CMTM4: variants seen among roughly 807,000 people sequenced by gnomAD.
CMTM4 encodes the protein CKLF like MARVEL transmembrane domain containing 4, also known as CKLF-like MARVEL transmembrane domain-containing protein 4.
CMTM4 carries 8 observed loss-of-function variants against 19.0 expected under a neutral mutation model. The observed-to-expected ratio is 0.42, with a 90% CI of 0.25 to 0.76. The LOEUF (loss-of-function observed/expected upper bound fraction) is 0.76, where lower values mean the gene tolerates loss of function less well. Among genes scored for constraint, CMTM4 ranks in the 30% least tolerant of loss-of-function variants. The pLI, the probability that CMTM4 is intolerant of heterozygous loss-of-function variation, is 0.27. For missense variants in CMTM4, 228 were observed against 290.2 expected, an observed-to-expected ratio of 0.79 and a Z score of 1.56; for synonymous variants, 106 against 121.1, an observed-to-expected ratio of 0.88 and a Z score of 0.82.
At chr16:66,599,792 AT>A in the CMTM4 span, among the ~76,000 whole-genome samples, 4 of 152,182 alleles carry the variant, frequency 2.6e-5, no homozygotes, top group African/African-American at 9.6e-5. Flanking sequence ...TCTTTTACAG[AT>A]TTTTTTAAGA....
At position 66,696,593 on chromosome 16, in the gene CMTM4, GGCCGCCGCATCGCCGCCGCCGCC is replaced by G. The variant is rs2017242460; in HGVS notation, c.-91_-69del. On this transcript the variant is annotated 5_prime_UTR_variant, in exon 1 of 4. An upstream start codon of the reference 5' UTR is lost. Transcript: ENST00000394106. The surrounding 1 kb of genome is among the most constrained non-coding windows in gnomAD (Gnocchi z 4.3). ...CGCCAGGAGCGGGCGGACTCAGCGG[GGCCGCCGCATCGCCGCCGCCGCC>G]GCCGCCGCCGCCGCCCGACTGACTG... 6.0e-6 allele frequency: 6 copies of G among 996,046 alleles called. No individual in the cohort carries two copies. Among genetic ancestry groups the G allele is most frequent in the South Asian group, 4.6e-5 (1 of 21,606 alleles). The allele number at this position is 996,046 out of a possible 1,614,324, so 61.7% of individuals were successfully genotyped here. A position where few individuals can be genotyped will look rare whatever the true frequency, so the allele number is the denominator to read the frequency against.
At chr16:66,641,056 T>G (rs1399498558) in intron 1 of CMTM4, among the ~76,000 whole-genome samples, 9 of 152,196 alleles carry the variant, frequency 5.9e-5, no homozygotes, top group Non-Finnish European at 1.2e-4. Context: ...TCTTGTTTGT[T>G]TGCTTTTTTA....
rs1195286117 is a variant in CMTM4, at chr16:66,616,730, A to T, written c.*5328T>A. 1 of 152,358 alleles carries T rather than the reference A, an allele frequency of 6.6e-6. No homozygotes were observed. Among genetic ancestry groups the T allele is most frequent in the African/African-American group, 2.4e-5 (1 of 41,446 alleles). The allele number at this position is 152,358 out of a possible 1,614,324, so 9.4% of individuals were successfully genotyped here. ...CAAAGCAGGGCCTGTGGGGGGAAGC[A>T]GCGTGAGTCAGGCCTCACCCTGGTG... is the stretch of plus-strand genomic sequence containing the variant. On this transcript the variant is annotated 3_prime_UTR_variant, in exon 4 of 4. Transcript: ENST00000394106.
At chr16:66,663,403 G>C (rs1216223637) in intron 1 of CMTM4, among the ~76,000 whole-genome samples, 1 of 151,250 alleles carries the variant, frequency 6.6e-6, no homozygotes, top group East Asian at 1.9e-4. Flanking sequence ...CTAATCAGGA[G>C]GCTGAAGCGG....
In CMTM4 at chr16:66,619,480, C is replaced by T; in HGVS notation, c.*2578G>A. On this transcript the variant is annotated 3_prime_UTR_variant, in exon 4 of 4. Coordinates refer to ENST00000394106, the MANE Select transcript of CMTM4 (RefSeq NM_181521.3). Reference sequence around the variant, plus strand: ...CGCTCAGCCTTCAAATGCCCCAAACCAAACTGATATTGGTCCCTATTGAAA... The same window carrying T: ...CGCTCAGCCTTCAAATGCCCCAAACTAAACTGATATTGGTCCCTATTGAAA... The T allele has an allele frequency of 6.1e-6, 6 of 985,438 alleles. No homozygotes were observed. The highest frequency in any genetic ancestry group is 7.2e-6 in the Non-Finnish European group (6 of 829,930). 61.0% of individuals were successfully genotyped at this position (985,438 alleles called of 1,614,324 possible).
chr16:66,652,404 T>G (rs549944112), intron 1 of CMTM4, among the ~76,000 whole-genome samples: 1 of 152,166 alleles, frequency 6.6e-6, no homozygotes, highest in Admixed American at 6.5e-5. Context: ...GAAAGCTTGG[T>G]TGGGTCTGGG....
intron 1 of CMTM4, among the ~76,000 whole-genome samples, chr16:66,672,203 G>C (rs2016719769): frequency 6.6e-6 from 1 of 151,788 alleles, no homozygotes; most frequent in African/African-American, 2.4e-5. Context: ...CTTGAGACCA[G>C]CCTGGCCAAC....
At chr16:66,679,649 C>A (rs1225332015) in intron 1 of CMTM4, among the ~76,000 whole-genome samples, 1 of 151,802 alleles carries the variant, frequency 6.6e-6, no homozygotes, top group Admixed American at 6.6e-5. Context: ...CATGGTGAAA[C>A]CCTGTCTCTA....
chr16:66,650,025 G>A (rs541422505), intron 1 of CMTM4, among the ~76,000 whole-genome samples: 2 of 152,208 alleles, frequency 1.3e-5, no homozygotes, highest in South Asian at 4.1e-4. Flanking sequence ...TCGGTGCCCA[G>A]GGAGGTATCG....
rs571243976 is a variant in CMTM4 at position 66,689,437 on chromosome 16, G to A, written c.186+6903C>T. On this transcript the variant is annotated intron_variant, in intron 1 of 3. Transcript: ENST00000394106. The stretch of plus-strand genomic sequence containing the variant: ...GGGTTTTGTTTTGTTTTTGAGAAAC[G>A]GTCTCACTCTGTTGCCCAGGCTGGA... 7.2e-5 allele frequency among the ~76,000 whole-genome samples: 11 copies of A among 152,026 alleles called. No individual in the cohort carries two copies. The East Asian group carries it at 1.2e-3, about 16-fold the overall frequency.
intron 1 of CMTM4, among the ~76,000 whole-genome samples, chr16:66,673,937 G>C (rs1035923326): frequency 3.3e-5 from 5 of 152,202 alleles, no homozygotes; most frequent in African/African-American, 1.2e-4. Context: ...TGGGGCCATG[G>C]CCACTGCATT....
chr16:66,674,457 T>C (rs1567427791), intron 1 of CMTM4, among the ~76,000 whole-genome samples: 1 of 152,114 alleles, frequency 6.6e-6, no homozygotes, highest in Non-Finnish European at 1.5e-5. Context: ...CAGGGACAAC[T>C]ACAGCGGAAA....
At chr16:66,645,155 G>A (rs2016169034) in intron 1 of CMTM4, among the ~76,000 whole-genome samples, 1 of 152,118 alleles carries the variant, frequency 6.6e-6, no homozygotes, top group African/African-American at 2.4e-5. Context: ...ATGGTGGCAG[G>A]CGCCTGTAAT....
At chr16:66,681,340 C>G (rs8060820) in intron 1 of CMTM4, among the ~76,000 whole-genome samples, 6,526 of 150,846 alleles carry the variant, frequency 0.043, 260 homozygotes, top group East Asian at 0.15. Flanking sequence ...TTTTTGAGAC[C>G]GAGTCTTGCT....
chr16:66,633,086 A>AAAATATATATATATAAATATATATATAT (rs1555499086), intron 2 of CMTM4, among the ~76,000 whole-genome samples: 12 of 103,342 alleles, frequency 1.2e-4, no homozygotes, highest in Middle Eastern at 4.3e-3. Flanking sequence ...ACTCCGTTTC[A>AAAATATATATATATAAATATATATATAT]AAATATATAT....
intron 1 of CMTM4, among the ~76,000 whole-genome samples, chr16:66,649,977 C>G (rs137883829): frequency 6.6e-6 from 1 of 152,148 alleles, no homozygotes; most frequent in Non-Finnish European, 1.5e-5. Flanking sequence ...AGCCAACACA[C>G]GCTATTATAC....
chr16:66,619,193 AGT>A lies in CMTM4; in HGVS notation c.*2863_*2864del. On this transcript the variant is annotated 3_prime_UTR_variant, in exon 4 of 4. Coordinates refer to ENST00000394106, the MANE Select transcript of CMTM4 (RefSeq NM_181521.3). Reference sequence around the variant, plus strand: ...CATATTTCCCTCCCATGCCTTCAGCAGTGTGAAAGAAGGATATCAAAGAGAAT... The same window carrying A: ...CATATTTCCCTCCCATGCCTTCAGCAGTGAAAGAAGGATATCAAAGAGAAT... 1 of 985,472 alleles carries A rather than the reference AGT, an allele frequency of 1.0e-6. No individual in the cohort carries two copies. Among genetic ancestry groups the A allele is most frequent in the Non-Finnish European group, 1.2e-6 (1 of 829,934 alleles). The allele number at this position is 985,472 out of a possible 1,614,324, so 61.0% of individuals were successfully genotyped here. A position where few individuals can be genotyped will look rare whatever the true frequency, so the allele number is the denominator to read the frequency against.
chr16:66,685,979 G>A (rs1054306823), intron 1 of CMTM4, among the ~76,000 whole-genome samples: 1 of 152,184 alleles, frequency 6.6e-6, no homozygotes, highest in Admixed American at 6.5e-5. Context: ...CTGGAGCCGG[G>A]CATGGTGGCT....
Position 66,622,150 on chromosome 16 carries a change from C to T in CMTM4, c.535G>A (p.Val179Ile), listed in dbSNP as rs35412701. ...FLAVQKWRVS[V>I]RQQSTNDYIR... ...TAGTCATTGGTGCTCTGCTGGCGGACGCTGACTCTCCATTTCTGCACTGCC... is the reference window on the plus strand; with the variant it reads ...TAGTCATTGGTGCTCTGCTGGCGGATGCTGACTCTCCATTTCTGCACTGCC... The change falls in exon 4 of 4, where the codon GTC becomes ATC. Residue 179 changes from valine (V) to isoleucine (I), a missense_variant. Physicochemically the swap from Val to Ile is conservative, Grantham distance 29. Transcript: ENST00000394106. This position sits in a 1 kb window ranked among gnomAD's most constrained non-coding sequence, Gnocchi z 4.0. 2.8e-3 allele frequency: 4,590 copies of T among 1,613,526 alleles called. 9 individuals carry two copies. The highest frequency in any genetic ancestry group is 3.5e-3 in the Non-Finnish European group (4,089 of 1,179,800).
Sources: gnomAD v4.1 joint callset for allele counts (sites outside exome capture counted in the v4.1 genomes callset) on GRCh38, gnomAD v4.1.1 for gene constraint, Gnocchi (gnomAD v3.1) non-coding constraint, MANE v1.5 for transcripts, NCBI Gene and HGNC (gene_info 2026-07-23, HGNC 2026-07-21) for gene names.